Variants in TAMM41 observed in about 807,000 individuals in gnomAD.
TAMM41 encodes the protein TAM41 mitochondrial translocator assembly and maintenance homolog, also known as phosphatidate cytidylyltransferase, mitochondrial.
A neutral mutation model predicts 44.1 loss-of-function variants in TAMM41; 36 were observed. The ratio of observed to expected loss-of-function variants is 0.82; its 90% CI spans 0.63 to 1.08. The LOEUF is 1.08. Ranked by LOEUF, TAMM41 falls within the 50% of genes least tolerant of loss-of-function variation. The pLI, the probability that TAMM41 is intolerant of heterozygous loss-of-function variation, is 0.00. For missense variants in TAMM41, 417 were observed against 404.3 expected (o/e 1.03, Z -0.27); for synonymous variants, 164 against 153.1 (o/e 1.07, Z -0.53).
chr3:11,796,963 A>G (rs1385411598), intron 7 of TAMM41, among the ~76,000 whole-genome samples: 1 of 152,228 alleles, frequency 6.6e-6, no homozygotes, highest in African/African-American at 2.4e-5. Context: ...CTCTACAAGG[A>G]GAACTACAAA....
the TAMM41 span, among the ~76,000 whole-genome samples, chr3:11,764,051 T>C: frequency 2.6e-5 from 4 of 152,184 alleles, no homozygotes; most frequent in African/African-American, 9.7e-5. Context: ...TCGCCCAGGT[T>C]GGGGTGAAGT....
At chr3:11,754,379 CTTA>C in the TAMM41 span, among the ~76,000 whole-genome samples, 1 of 151,996 alleles carries the variant, frequency 6.6e-6, no homozygotes, top group African/African-American at 2.4e-5. Context: ...ATTTTTTCTT[CTTA>C]TTATTTTTTT....
intron 2 of TAMM41, among the ~76,000 whole-genome samples, chr3:11,840,061 T>G (rs974793002): frequency 6.6e-6 from 1 of 151,820 alleles, no homozygotes; most frequent in African/African-American, 2.4e-5. Context: ...ATGAGGACTG[T>G]TTTCCACACC....
intron 7 of TAMM41, chr3:11,807,356 G>T: frequency 6.8e-7 from 1 of 1,479,426 alleles, no homozygotes; most frequent in Non-Finnish European, 8.9e-7. Flanking sequence ...CTCCCATAGA[G>T]AGAAGTCAAT....
chr3:11,845,121 T>C (rs2079623294), intron 1 of TAMM41: 2 of 383,102 alleles, frequency 5.2e-6, no homozygotes, highest in Admixed American at 6.2e-5. Flanking sequence ...ATTTATGCGG[T>C]GGGAGATGAG....
intron 2 of TAMM41, among the ~76,000 whole-genome samples, chr3:11,840,887 T>C (rs563475754): frequency 6.6e-6 from 1 of 152,272 alleles, no homozygotes; most frequent in Non-Finnish European, 1.5e-5. Flanking sequence ...GGTCTTCCAA[T>C]GCTCTTTTCA....
intron 4 of TAMM41, among the ~76,000 whole-genome samples, chr3:11,829,510 C>T (rs751110415): frequency 5.3e-5 from 8 of 151,974 alleles, no homozygotes; most frequent in Non-Finnish European, 1.2e-4. Context: ...ACAAAATTAC[C>T]CTGGGACAAT....
chr3:11,790,040 A>AT (rs1491566029), downstream of TAMM41, among the ~76,000 whole-genome samples: 4 of 152,170 alleles, frequency 2.6e-5, no homozygotes, highest in African/African-American at 4.8e-5. Flanking sequence ...GAACAAAGAA[A>AT]CACACGAAAA....
In TAMM41 at chr3:11,842,809, C is replaced by T. The variant is rs180812296; in HGVS notation, c.318+1220G>A. Among the ~76,000 whole-genome samples the T allele has an allele frequency of 4.3e-3, 661 of 152,296 alleles. 2 individuals carry two copies. The highest frequency in any genetic ancestry group is 7.7e-3 in the Non-Finnish European group (523 of 68,028). The stretch of plus-strand genomic sequence containing the variant: ...TGGCTCGATGCCGGCCAAAGCCTGA[C>T]CGCCTTGAACAATGAGTGGCAGAGC... On this transcript the variant is annotated intron_variant, in intron 2 of 7. Coordinates refer to ENST00000455809, the MANE Select transcript of TAMM41 (RefSeq NM_001284401.2).
chr3:11,764,132 T>C, the TAMM41 span, among the ~76,000 whole-genome samples: 1 of 151,768 alleles, frequency 6.6e-6, no homozygotes, highest in African/African-American at 2.4e-5. Context: ...GCCTCCCGAG[T>C]AGCTTGGACT....
intron 7 of TAMM41, among the ~76,000 whole-genome samples, chr3:11,805,539 T>C (rs2077883566): frequency 6.6e-6 from 1 of 152,166 alleles, no homozygotes; most frequent in Non-Finnish European, 1.5e-5. Context: ...CCCAAAGTGC[T>C]GGGATTATAA....
At chr3:11,776,138 C>G in the TAMM41 span, among the ~76,000 whole-genome samples, 1 of 151,400 alleles carries the variant, frequency 6.6e-6, no homozygotes, top group Non-Finnish European at 1.5e-5. Flanking sequence ...CTCAGCCTCC[C>G]GAGTAGCTGG....
In TAMM41 at chr3:11,809,614, T is replaced by C; in HGVS notation, c.777A>G (p.Ile259Met). 6.2e-7 allele frequency: 1 copy of C among 1,614,180 alleles called. No homozygotes were observed. Among genetic ancestry groups the C allele is most frequent in the Admixed American group, 1.7e-5 (1 of 60,028 alleles). ...MTLPKTLQQQ[I>M]NHIMDPPGKN... The stretch of plus-strand genomic sequence containing the variant: ...TTCCAGGAGGGTCCATAATATGATT[T>C]ATCTGTTGCTGTAAGGTTTTGGGCA... The change falls in exon 6 of 8, where the codon ATA becomes ATG. Residue 259 changes from isoleucine to methionine, a missense_variant. By Grantham distance (10) the Ile-to-Met change is conservative. Coordinates refer to ENST00000455809, the MANE Select transcript of TAMM41 (RefSeq NM_001284401.2).
intron 7 of TAMM41, chr3:11,807,325 G>T (rs1014960491): frequency 2.8e-6 from 4 of 1,452,940 alleles, no homozygotes; most frequent in South Asian, 1.5e-5. Context: ...ATGAGGGTGG[G>T]TGCCAGAGTT....
At chr3:11,747,643 C>T in the TAMM41 span, among the ~76,000 whole-genome samples, 1 of 150,908 alleles carries the variant, frequency 6.6e-6, no homozygotes. Context: ...GTGGTGTGCG[C>T]CTGTAGTCCC....
chr3:11,797,658 A>C (rs755703738), intron 7 of TAMM41, among the ~76,000 whole-genome samples: 2 of 152,242 alleles, frequency 1.3e-5, no homozygotes, highest in Non-Finnish European at 2.9e-5. Context: ...TAAACTAAAG[A>C]GCTTCTGCGC....
At chr3:11,815,439 G>C (rs2078242019) in intron 5 of TAMM41, among the ~76,000 whole-genome samples, 1 of 152,144 alleles carries the variant, frequency 6.6e-6, no homozygotes, top group South Asian at 2.1e-4. Flanking sequence ...TTACGGATCT[G>C]TCAAGAGTTT....
intron 1 of TAMM41, chr3:11,844,826 C>T: frequency 2.3e-6 from 1 of 438,174 alleles, no homozygotes; most frequent in Admixed American, 2.4e-5. Context: ...AGCTCAGAGT[C>T]TACTGGAGAG....
the TAMM41 span, among the ~76,000 whole-genome samples, chr3:11,749,330 G>A: frequency 3.3e-5 from 5 of 152,276 alleles, no homozygotes; most frequent in African/African-American, 9.6e-5. Flanking sequence ...ACCTGAAGGT[G>A]TCTCTAGAGT....
Sources: allele counts gnomAD v4.1 joint callset (sites outside exome capture counted in the v4.1 genomes callset), GRCh38; gene constraint gnomAD v4.1.1; transcripts MANE v1.5; gene names NCBI Gene and HGNC (gene_info 2026-07-23, HGNC 2026-07-21).